The following SLCO2B1 variants were observed in gnomAD, a reference collection of about 807,000 sequenced individuals.
SLCO2B1 encodes the protein OATP-RP2.
A neutral mutation model predicts 67.3 loss-of-function variants in SLCO2B1; 41 were observed. The ratio of observed to expected loss-of-function variants is 0.61; its 90% CI spans 0.47 to 0.79. The LOEUF (loss-of-function observed/expected upper bound fraction) is 0.79. Among genes scored for constraint, SLCO2B1 ranks in the 30% least tolerant of loss-of-function variants. The probability of loss-of-function intolerance (pLI) is 0.00; values close to 1 mark genes in which losing one functional copy is unlikely to be tolerated. For synonymous variants in SLCO2B1, 379 were observed against 381.4 expected, an observed-to-expected ratio of 0.99 and a Z score of 0.07; for missense variants, 837 against 920.1, an observed-to-expected ratio of 0.91 and a Z score of 1.17.
chr11:75,160,912 T>C (rs576945506), intron 1 of SLCO2B1, among the ~76,000 whole-genome samples: 21 of 152,310 alleles, frequency 1.4e-4, no homozygotes, highest in African/African-American at 5.1e-4. Context: ...ATGGCTATAA[T>C]TGAAAAGGCA....
chr11:75,203,298 C>T lies in SLCO2B1; in HGVS notation c.1829-9C>T, dbSNP rs1945213900. The T allele has an allele frequency of 2.9e-5, 46 of 1,612,632 alleles. 1 individual carries two copies. In the East Asian group the frequency reaches 1.0e-3, roughly 35 times the overall value. On this transcript the variant is annotated splice_polypyrimidine_tract_variant and intron_variant, in intron 12 of 13. Coordinates refer to ENST00000289575, the MANE Select transcript of SLCO2B1 (RefSeq NM_007256.5). ...GCCTTCATTGTCCCCTGAGCACCAC[C>T]TCCCTCAGCCTGGATGCCCAGCCCC...
At chr11:75,154,576 C>A in intron 1 of SLCO2B1, among the ~76,000 whole-genome samples, 1 of 152,198 alleles carries the variant, frequency 6.6e-6, no homozygotes, top group East Asian at 1.9e-4. Context: ...GGCCATGCAG[C>A]TACTCAGCAA....
In SLCO2B1 at chr11:75,169,733, C is replaced by T; in HGVS notation, c.750C>T (p.Arg250=). 6.2e-7 allele frequency: 1 copy of T among 1,614,108 alleles called. No homozygotes were observed. The highest frequency in any genetic ancestry group is 1.1e-5 in the South Asian group (1 of 91,072). ...LAFGLGSLML[R]LYVDINQMPE... Reference sequence around the variant, plus strand: ...TTGGGCTGGGCAGCCTCATGCTGCGCCTTTATGTGGACATTAACCAGATGC... The same window carrying T: ...TTGGGCTGGGCAGCCTCATGCTGCGTCTTTATGTGGACATTAACCAGATGC... The change falls in exon 6 of 14, where the codon CGC becomes CGT. Residue 250 remains arginine, a synonymous_variant. Coordinates refer to ENST00000289575, the MANE Select transcript of SLCO2B1 (RefSeq NM_007256.5).
chr11:75,167,925 A>T (rs563730976), intron 4 of SLCO2B1, among the ~76,000 whole-genome samples: 6 of 130,832 alleles, frequency 4.6e-5, no homozygotes, highest in African/African-American at 1.7e-4. Flanking sequence ...ATGGAGTATC[A>T]CTCTGTCACC....
intron 7 of SLCO2B1, among the ~76,000 whole-genome samples, chr11:75,181,166 C>T (rs965522929): frequency 1.3e-4 from 20 of 151,858 alleles, no homozygotes; most frequent in African/African-American, 3.9e-4. Context: ...GTTAGAAGCT[C>T]GAGACCTGCC....
intron 7 of SLCO2B1, among the ~76,000 whole-genome samples, chr11:75,173,788 C>G (rs907334594): frequency 1.3e-5 from 2 of 152,144 alleles, no homozygotes; most frequent in African/African-American, 4.8e-5. Context: ...AAGAAAATGA[C>G]AAAATAGAAA....
intron 2 of SLCO2B1, 134 bp downstream of exon 2, chr11:75,162,919 C>T (rs1259470735): frequency 1.8e-6 from 2 of 1,103,790 alleles, no homozygotes; most frequent in Non-Finnish European, 2.6e-6. Context: ...CTGTGAGGAT[C>T]AAAGGGATGA....
intron 8 of SLCO2B1, among the ~76,000 whole-genome samples, chr11:75,191,803 G>A (rs186008872): frequency 6.6e-6 from 1 of 152,356 alleles, no homozygotes; most frequent in Non-Finnish European, 1.5e-5. Context: ...AGTGGAGAGA[G>A]GATTTCATGT....
chr11:75,169,099 A>G, intron 4 of SLCO2B1, 74 bp from the exon 5 acceptor site: 1 of 1,228,364 alleles, frequency 8.1e-7, no homozygotes, highest in African/African-American at 1.5e-5. Flanking sequence ...CACTTAGAAC[A>G]GTACCTTCCC....
rs59305495 is a variant in SLCO2B1, at chr11:75,196,592, C to A, written c.1512C>A (p.Cys504Ter). ...SCPLDGFNPV[C>*]DPSTRVEYIT... is the part of the protein sequence containing the mutation. Reference sequence around the variant, plus strand: ...CATTGGACGGCTTTAACCCTGTCTGCGACCCCAGCACTCGTGTGGAATACA... The same window carrying A: ...CATTGGACGGCTTTAACCCTGTCTGAGACCCCAGCACTCGTGTGGAATACA... Residue 504 changes from cysteine to a stop codon, truncating the protein, a stop_gained, in exon 10 of 14, where the codon TGC (cysteine) becomes TGA (stop). Coordinates refer to ENST00000289575, the MANE Select transcript of SLCO2B1 (RefSeq NM_007256.5). LOFTEE classifies it high-confidence loss of function. 6.2e-7 allele frequency: 1 copy of A among 1,614,094 alleles called. No individual in the cohort carries two copies. Among genetic ancestry groups the A allele is most frequent in the Non-Finnish European group, 8.5e-7 (1 of 1,180,024 alleles).
intron 3 of SLCO2B1, among the ~76,000 whole-genome samples, chr11:75,165,108 A>T (rs1281288091): frequency 6.6e-6 from 1 of 152,136 alleles, no homozygotes; most frequent in Non-Finnish European, 1.5e-5. Context: ...CTGAACTCAC[A>T]TCCTAGGATT....
chr11:75,168,032 T>G (rs1318126566), intron 4 of SLCO2B1, among the ~76,000 whole-genome samples: 1 of 151,982 alleles, frequency 6.6e-6, no homozygotes, highest in Admixed American at 6.6e-5. Context: ...TAGCTGGGAT[T>G]ACAGGCATGT....
rs1350239621 is a variant in SLCO2B1, at chr11:75,165,922, C to G, written c.421C>G (p.Pro141Ala). 3.1e-6 allele frequency: 5 copies of G among 1,613,976 alleles called. No homozygotes were observed. The highest frequency in any genetic ancestry group is 1.1e-5 in the South Asian group (1 of 91,082). ...LMTLPHFISE[P>A]YRYDNTSPED... ...GACTCTCCCGCACTTCATCTCGGAG[C>G]CATACCGCTACGACAACACCAGCCC... is the stretch of plus-strand genomic sequence containing the variant. The change falls in exon 4 of 14, where the codon CCA (proline) becomes GCA (alanine). Residue 141 changes from proline to alanine, a missense_variant. Pro to Ala is a conservative substitution (Grantham distance 27). Coordinates refer to ENST00000289575, the MANE Select transcript of SLCO2B1 (RefSeq NM_007256.5).
intron 10 of SLCO2B1, among the ~76,000 whole-genome samples, chr11:75,197,047 C>T (rs971247260): frequency 3.0e-4 from 46 of 152,144 alleles, no homozygotes; most frequent in African/African-American, 9.4e-4. Flanking sequence ...ATCCGGGAGG[C>T]GGAGGTTGCA....
At position 75,205,540 on chromosome 11, in the gene SLCO2B1, A is replaced by AT. The variant is rs1945260258; in HGVS notation, c.*964dup. On this transcript the variant is annotated 3_prime_UTR_variant, in exon 14 of 14. Transcript: ENST00000289575. ...TTGTGACTAGGATCCTAATTTCTCT[A>AT]TTTTCTCCTGGGTGCCTGGGTCTGT... is the stretch of plus-strand genomic sequence containing the variant. 6.6e-6 allele frequency: 1 copy of AT among 152,002 alleles called. No individual in the cohort carries two copies. Among genetic ancestry groups the AT allele is most frequent in the Non-Finnish European group, 1.5e-5 (1 of 68,028 alleles). The allele number at this position is 152,002 out of a possible 1,614,324, so 9.4% of individuals were successfully genotyped here. A position where few individuals can be genotyped will look rare whatever the true frequency, so the allele number is the denominator to read the frequency against.
rs1456623105 is a variant in SLCO2B1, at chr11:75,204,478, G to A, written c.2028G>A (p.Gln676=). 2 of 1,613,660 alleles carry A rather than the reference G, an allele frequency of 1.2e-6. No homozygotes were observed. The highest frequency in any genetic ancestry group is 1.7e-6 in the Non-Finnish European group (2 of 1,179,732). The change falls in exon 14 of 14, where the codon CAG becomes CAA. Residue 676 remains glutamine (Q), a synonymous_variant. Coordinates refer to ENST00000289575, the MANE Select transcript of SLCO2B1 (RefSeq NM_007256.5). Reference sequence around the variant, plus strand: ...TAGTTTTGGCTGTCCTGAGGCAGCAGGACAAAGAGGCAAGGACCAAAGAGA... The same window carrying A: ...TAGTTTTGGCTGTCCTGAGGCAGCAAGACAAAGAGGCAAGGACCAAAGAGA... ...FALVLAVLRQ[Q]DKEARTKESR...
intron 3 of SLCO2B1, among the ~76,000 whole-genome samples, chr11:75,165,093 ACCT>A (rs969965559): frequency 2.0e-5 from 3 of 152,024 alleles, no homozygotes; most frequent in African/African-American, 7.2e-5. Flanking sequence ...CACTGAAGTC[ACCT>A]CCTGAACTCA....
intron 6 of SLCO2B1, among the ~76,000 whole-genome samples, chr11:75,171,929 G>A (rs554270988): frequency 1.3e-5 from 2 of 152,020 alleles, no homozygotes; most frequent in South Asian, 4.2e-4. Flanking sequence ...GAAGGAGGAA[G>A]AGGAGGAGGA....
chr11:75,154,028 C>T (rs1406692528), intron 1 of SLCO2B1, among the ~76,000 whole-genome samples: 5 of 149,244 alleles, frequency 3.4e-5, no homozygotes, highest in Non-Finnish European at 5.9e-5. Context: ...CGGGTTCAAA[C>T]GATTCCCCTG....
Sources: gnomAD v4.1 joint callset for allele counts (sites outside exome capture counted in the v4.1 genomes callset) on GRCh38, gnomAD v4.1.1 for gene constraint, MANE v1.5 for transcripts, NCBI Gene and HGNC (gene_info 2026-07-23, HGNC 2026-07-21) for gene names.